DMD: variants seen among roughly 807,000 people sequenced by gnomAD.
The protein encoded by DMD is dystrophin, also known as mutant dystrophin.
A neutral mutation model predicts 330.1 loss-of-function variants in DMD; 63 were observed. That is an observed-to-expected ratio of 0.19 (90% CI 0.16 to 0.24). The LOEUF (loss-of-function observed/expected upper bound fraction) is 0.24. Ranked by LOEUF, DMD falls within the 10% of genes least tolerant of loss-of-function variation. DMD has a pLI of 1.00. For synonymous variants in DMD, 1,223 were observed against 959.8 expected, an observed-to-expected ratio of 1.27 and a Z score of -5.07; for missense variants, 3,344 against 2,684.1, an observed-to-expected ratio of 1.25 and a Z score of -5.43.
chrX:32,318,411 G>T (rs1427478722), intron 41 of DMD, among the ~76,000 whole-genome samples: 1 of 111,520 alleles, frequency 9.0e-6, no homozygotes, highest in Non-Finnish European at 1.9e-5. Flanking sequence ...CACTGTTTTG[G>T]ATACATATAA....
At chrX:32,459,982 A>AT (rs1305944006) in intron 25 of DMD, among the ~76,000 whole-genome samples, 3 of 111,187 alleles carry the variant, frequency 2.7e-5, no homozygotes, top group Non-Finnish European at 3.8e-5. Flanking sequence ...AGAAACTCAG[A>AT]TATCATAAAA....
rs181148395 is a variant in DMD at position 31,500,103 on chromosome X, G to A, written c.8391-3159C>T. ...GTGATAGGAGGACAAAAACTGAAGC[G>A]AAAAACTTACAAAGGACAGAGAACA... On this transcript the variant is annotated intron_variant, in intron 56 of 78. Transcript: ENST00000357033. 9.9e-3 allele frequency among the ~76,000 whole-genome samples: 1,110 copies of A among 112,067 alleles called. 19 individuals are homozygous for A. Among genetic ancestry groups the A allele is most frequent in the African/African-American group, 0.034 (1,036 of 30,835 alleles).
intron 61 of DMD, among the ~76,000 whole-genome samples, chrX:31,332,573 T>C (rs1356321450): frequency 2.7e-5 from 3 of 112,146 alleles, no homozygotes; most frequent in African/African-American, 9.7e-5. Context: ...CTCTTTGGTC[T>C]GTGCAGTTGA....
intron 55 of DMD, among the ~76,000 whole-genome samples, chrX:31,609,869 G>T (rs1169215672): frequency 9.0e-6 from 1 of 111,430 alleles, no homozygotes; most frequent in Non-Finnish European, 1.9e-5. Context: ...CAGACTTCTG[G>T]TGTCACATTT....
intron 57 of DMD, among the ~76,000 whole-genome samples, chrX:31,487,404 G>A (rs1431901622): frequency 9.0e-6 from 1 of 110,694 alleles, no homozygotes; most frequent in African/African-American, 3.3e-5. Flanking sequence ...GGGACTACAG[G>A]TGCCTGCTAC....
intron 43 of DMD, among the ~76,000 whole-genome samples, chrX:32,283,848 A>G (rs919123194): frequency 1.8e-5 from 2 of 111,846 alleles, no homozygotes; most frequent in African/African-American, 3.3e-5. Flanking sequence ...AATATCGACT[A>G]ACTGCCCCTT....
At chrX:32,185,836 T>TG (rs1332004068) in intron 44 of DMD, among the ~76,000 whole-genome samples, 1 of 107,397 alleles carries the variant, frequency 9.3e-6, no homozygotes, top group East Asian at 2.9e-4. Flanking sequence ...TTTGTGTTGT[T>TG]TATCATGTTG....
chrX:32,165,299 G>T (rs1001691785), intron 44 of DMD, among the ~76,000 whole-genome samples: 1 of 112,532 alleles, frequency 8.9e-6, no homozygotes, highest in Non-Finnish European at 1.9e-5. Context: ...AAACCCACAG[G>T]GGTGGAGCTT....
chrX:32,715,424 C>A (rs1468568376), intron 7 of DMD, among the ~76,000 whole-genome samples: 1 of 95,302 alleles, frequency 1.0e-5, no homozygotes, highest in African/African-American at 4.2e-5. Context: ...TTGCAGTGAG[C>A]CGAGATTGTG....
chrX:31,496,691 C>G (rs2069887246), intron 57 of DMD, 97 bp downstream of exon 57: 1 of 1,022,052 alleles, frequency 9.8e-7, no homozygotes, highest in Non-Finnish European at 1.4e-6. Flanking sequence ...AAAAAGATTT[C>G]TATTCAACTT....
chrX:32,903,974 T>G (rs899913246), intron 2 of DMD, among the ~76,000 whole-genome samples: 4 of 112,013 alleles, frequency 3.6e-5, no homozygotes, highest in Non-Finnish European at 7.5e-5. Context: ...AAGTCTCTTT[T>G]TGCTCATATG....
At chrX:32,392,524 T>C (rs767144081) in intron 30 of DMD, among the ~76,000 whole-genome samples, 2 of 111,544 alleles carry the variant, frequency 1.8e-5, no homozygotes, top group Non-Finnish European at 3.8e-5. Context: ...CTTCCCAAAG[T>C]GCTGGGATTA....
chrX:31,817,841 C>T (rs773366924), intron 50 of DMD, among the ~76,000 whole-genome samples: 1 of 111,982 alleles, frequency 8.9e-6, no homozygotes, highest in East Asian at 2.8e-4. Flanking sequence ...AATATTCCGT[C>T]ATCTTGTTCC....
At position 32,643,427 on chromosome X, in the gene DMD, A is replaced by G. The variant is rs140233389; in HGVS notation, c.1331+705T>C. Among the ~76,000 whole-genome samples the G allele has an allele frequency of 7.8e-3, 859 of 110,350 alleles. 14 individuals carry two copies. The highest frequency in any genetic ancestry group is 0.027 in the African/African-American group (810 of 30,406). ...AATTTTTTTCACTTAATGTATTCAA[A>G]TCCACAGTTGGCACTTCATTTCTTT... is the stretch of plus-strand genomic sequence containing the variant. On this transcript the variant is annotated intron_variant, in intron 11 of 78. Transcript: ENST00000357033.
At chrX:31,272,932 C>A (rs900255204) in intron 62 of DMD, among the ~76,000 whole-genome samples, 37 of 111,863 alleles carry the variant, frequency 3.3e-4, no homozygotes, top group Admixed American at 3.1e-3. Flanking sequence ...CTAATATTAT[C>A]TAACAAAAGA....
chrX:31,532,090 A>G (rs2073888955), intron 55 of DMD, among the ~76,000 whole-genome samples: 1 of 91,632 alleles, frequency 1.1e-5, no homozygotes, highest in South Asian at 5.6e-4. Flanking sequence ...AACTTCCCCA[A>G]TCTAGTAAGG....
At chrX:31,914,239 T>C (rs985655147) in intron 47 of DMD, among the ~76,000 whole-genome samples, 23 of 111,494 alleles carry the variant, frequency 2.1e-4, no homozygotes, top group Non-Finnish European at 3.0e-4. Flanking sequence ...GTGCCTGGGC[T>C]GGAGAGAATG....
chrX:32,792,483 T>C (rs954134579), intron 7 of DMD, among the ~76,000 whole-genome samples: 2 of 112,122 alleles, frequency 1.8e-5, no homozygotes, highest in Non-Finnish European at 3.8e-5. Context: ...TAATGTTGAA[T>C]GTAAATTGAT....
chrX:32,734,698 T>C (rs1304290396), intron 7 of DMD, among the ~76,000 whole-genome samples: 11 of 109,818 alleles, frequency 1.0e-4, no homozygotes, highest in Non-Finnish European at 2.1e-4. Context: ...GAAAAGGCCT[T>C]TGACAAAATT....
Sources: gnomAD v4.1 joint callset for allele counts (sites outside exome capture counted in the v4.1 genomes callset) on GRCh38, gnomAD v4.1.1 for gene constraint, MANE v1.5 for transcripts, NCBI Gene and HGNC (gene_info 2026-07-23, HGNC 2026-07-21) for gene names.